The following ANKRD28 variants were observed in gnomAD, a reference collection of about 807,000 sequenced individuals.
The protein encoded by ANKRD28 is ankyrin repeat domain 28.
ANKRD28 carries 44 observed loss-of-function variants against 126.5 expected under a neutral mutation model. The ratio of observed to expected loss-of-function variants is 0.35; its 90% confidence interval spans 0.27 to 0.45. The LOEUF (loss-of-function observed/expected upper bound fraction) is 0.45, where lower values mean the gene tolerates loss of function less well. Ranked by LOEUF, ANKRD28 falls within the 20% of genes least tolerant of loss-of-function variation. The pLI is 1.00. For missense variants in ANKRD28, 1,110 were observed against 1,316.6 expected, an observed-to-expected ratio of 0.84 and a Z score of 2.43; for synonymous variants, 442 against 468.5, an observed-to-expected ratio of 0.94 and a Z score of 0.73.
intron 6 of ANKRD28, among the ~76,000 whole-genome samples, chr3:15,734,051 T>C (rs2074842669): frequency 6.6e-6 from 1 of 152,244 alleles, no homozygotes; most frequent in Non-Finnish European, 1.5e-5. Context: ...GGTCCACTTA[T>C]ATATGGATTT....
At chr3:15,689,916 G>T in intron 18 of ANKRD28, 103 bp downstream of exon 18, 4 of 1,095,034 alleles carry the variant, frequency 3.7e-6, no homozygotes, top group Non-Finnish European at 5.1e-6. Flanking sequence ...AAAAAAAAAG[G>T]TCAAAATTTT....
intron 18 of ANKRD28, among the ~76,000 whole-genome samples, chr3:15,688,753 G>A (rs1319858537): frequency 6.6e-6 from 1 of 152,230 alleles, no homozygotes; most frequent in Admixed American, 6.5e-5. Context: ...GTGATACGCA[G>A]TGGGTAGCAA....
chr3:15,771,375 A>G (rs1259402034), intron 2 of ANKRD28, among the ~76,000 whole-genome samples: 1 of 146,800 alleles, frequency 6.8e-6, no homozygotes, highest in East Asian at 2.0e-4. Flanking sequence ...CCGCCACTGC[A>G]CTGCAGCCTG....
At chr3:15,689,098 A>C (rs193125491) in intron 18 of ANKRD28, among the ~76,000 whole-genome samples, 1 of 152,244 alleles carries the variant, frequency 6.6e-6, no homozygotes, top group Non-Finnish European at 1.5e-5. Context: ...CTGAGAATAC[A>C]ATCATTTTAC....
intron 26 of ANKRD28, 31 bp from the exon 27 acceptor site, chr3:15,676,020 T>TATGTGC (rs780772349): frequency 3.8e-6 from 6 of 1,575,140 alleles, no homozygotes; most frequent in Admixed American, 3.4e-5. Flanking sequence ...CATGTACACA[T>TATGTGC]ATGTGCATGT....
chr3:15,715,822 G>A (rs2072939458), intron 8 of ANKRD28, among the ~76,000 whole-genome samples: 1 of 151,732 alleles, frequency 6.6e-6, no homozygotes, highest in South Asian at 2.1e-4. Flanking sequence ...TGCTTCTCAG[G>A]ATATATTTGT....
chr3:15,709,213 T>G (rs2071889204), intron 13 of ANKRD28, among the ~76,000 whole-genome samples: 1 of 152,174 alleles, frequency 6.6e-6, no homozygotes, highest in African/African-American at 2.4e-5. Context: ...AAAGAAAAAT[T>G]ACACATATAT....
At chr3:15,693,622 G>T (rs1288461071) in intron 17 of ANKRD28, among the ~76,000 whole-genome samples, 1 of 152,110 alleles carries the variant, frequency 6.6e-6, no homozygotes, top group Non-Finnish European at 1.5e-5. Context: ...TGCTGCTGCT[G>T]CTGCTAATGC....
intron 1 of ANKRD28, among the ~76,000 whole-genome samples, chr3:15,844,712 ATAGT>A (rs1461698298): frequency 2.0e-5 from 3 of 152,228 alleles, no homozygotes; most frequent in Admixed American, 6.5e-5. Flanking sequence ...ATAATCTGTA[ATAGT>A]TAAACAGTCA....
intron 17 of ANKRD28, among the ~76,000 whole-genome samples, chr3:15,694,212 C>G (rs2069197595): frequency 9.0e-6 from 1 of 111,330 alleles, no homozygotes; most frequent in African/African-American, 2.5e-5. Flanking sequence ...GTGATTGACA[C>G]TGAAAAAAAA....
intron 18 of ANKRD28, among the ~76,000 whole-genome samples, chr3:15,688,785 T>C (rs59304854): frequency 0.22 from 33,621 of 152,216 alleles, 6,065 homozygotes; most frequent in East Asian, 0.58. Context: ...GACTTGGTTA[T>C]AGACCTTCGT....
intron 17 of ANKRD28, 77 bp downstream of exon 17, chr3:15,694,662 T>C (rs2069275728): frequency 1.6e-6 from 2 of 1,274,128 alleles, no homozygotes; most frequent in Non-Finnish European, 2.3e-6. Flanking sequence ...GGTACTAGTT[T>C]GAGTCAACAC....
At chr3:15,749,804 G>A (rs1015359103) in intron 4 of ANKRD28, among the ~76,000 whole-genome samples, 11 of 152,144 alleles carry the variant, frequency 7.2e-5, no homozygotes, top group Non-Finnish European at 1.5e-4. Flanking sequence ...ACTAGGCTCC[G>A]GGATGGTACT....
intron 7 of ANKRD28, among the ~76,000 whole-genome samples, chr3:15,724,172 G>A (rs2073993011): frequency 6.6e-6 from 1 of 152,168 alleles, no homozygotes; most frequent in Admixed American, 6.5e-5. Flanking sequence ...CACCTTTGAA[G>A]TGTATTTTAC....
intron 14 of ANKRD28, among the ~76,000 whole-genome samples, chr3:15,698,850 A>C (rs2070092410): frequency 6.6e-6 from 1 of 152,216 alleles, no homozygotes; most frequent in Non-Finnish European, 1.5e-5. Flanking sequence ...CATCCCCATC[A>C]AGCTACCAAT....
At chr3:15,772,805 G>A (rs1204366390) in intron 2 of ANKRD28, among the ~76,000 whole-genome samples, 1 of 152,164 alleles carries the variant, frequency 6.6e-6, no homozygotes, top group African/African-American at 2.4e-5. Flanking sequence ...TCCTGCCTCA[G>A]CCTCCTGAGT....
At chr3:15,675,848 C>T (rs2066880163) in intron 27 of ANKRD28, 50 bp downstream of exon 27, 1 of 1,414,886 alleles carries the variant, frequency 7.1e-7, no homozygotes. Context: ...AAATATGGAT[C>T]AAAAGATAAA....
At position 15,845,203 on chromosome 3, in the gene ANKRD28, T is replaced by A. The variant is rs1467745643; in HGVS notation, c.27+14174A>T. 6.6e-6 allele frequency among the ~76,000 whole-genome samples: 1 copy of A among 152,204 alleles called. No individual in the cohort carries two copies. The highest frequency in any genetic ancestry group is 1.5e-5 in the Non-Finnish European group (1 of 68,042). On this transcript the variant is annotated intron_variant, in intron 1 of 27. Transcript: ENST00000399451. This position sits in a 1 kb window ranked among gnomAD's most constrained non-coding sequence, Gnocchi z 4.9. Reference sequence around the variant, plus strand: ...ACAAATCCAAACCATATCACTATTTTAAAAATAACTTACAATGCATTTCTT... The same window carrying A: ...ACAAATCCAAACCATATCACTATTTAAAAAATAACTTACAATGCATTTCTT...
At chr3:15,715,424 TA>T (rs1337979742) in intron 8 of ANKRD28, among the ~76,000 whole-genome samples, 12 of 152,350 alleles carry the variant, frequency 7.9e-5, no homozygotes, top group African/African-American at 2.9e-4. Flanking sequence ...AGATATTCTT[TA>T]AAAATCCTCA....
Sources: gnomAD v4.1 joint callset for allele counts (sites outside exome capture counted in the v4.1 genomes callset) on GRCh38, gnomAD v4.1.1 for gene constraint, Gnocchi (gnomAD v3.1) non-coding constraint, MANE v1.5 for transcripts, NCBI Gene and HGNC (gene_info 2026-07-23, HGNC 2026-07-21) for gene names.